Variants in DGKB observed in about 807,000 individuals in gnomAD.
The protein encoded by DGKB is diacylglycerol kinase beta, also known as 90 kDa diacylglycerol kinase.
In DGKB, 67 loss-of-function variants were observed where a neutral mutation model predicts 114.3. The ratio of observed to expected loss-of-function variants is 0.59; its 90% CI spans 0.48 to 0.72. The LOEUF (loss-of-function observed/expected upper bound fraction) is 0.72, where lower values mean the gene tolerates loss of function less well. DGKB is among the 30% of genes least tolerant of loss of function. The pLI is 0.00. For missense variants in DGKB, 907 were observed against 975.2 expected, an observed-to-expected ratio of 0.93 and a Z score of 0.93; for synonymous variants, 398 against 323.1, an observed-to-expected ratio of 1.23 and a Z score of -2.49.
rs576046094 is a variant in DGKB, at chr7:14,601,140, T to G, written c.1433+6294A>C. ...TAGCACCAGCTGGATGCTGCAAACC[T>G]TTGCCACCTCTGTCTCCTGAAGGGT... is the stretch of plus-strand genomic sequence containing the variant. On this transcript the variant is annotated intron_variant, in intron 17 of 25. Coordinates refer to ENST00000402815, the MANE Select transcript of DGKB (RefSeq NM_001350709.2). Among the ~76,000 whole-genome samples, 8 of 152,324 alleles carry G rather than the reference T, an allele frequency of 5.3e-5. No individual in the cohort carries two copies. The East Asian group carries it at 1.4e-3, about 26-fold the overall frequency.
chr7:14,620,803 T>C (rs1019850276), intron 15 of DGKB, among the ~76,000 whole-genome samples: 6 of 151,824 alleles, frequency 4.0e-5, no homozygotes, highest in African/African-American at 1.4e-4. Context: ...CGTTTTTATA[T>C]AATAGTATTA....
intron 23 of DGKB, among the ~76,000 whole-genome samples, chr7:14,222,088 T>A (rs1790072617): frequency 6.6e-6 from 1 of 151,120 alleles, no homozygotes; most frequent in Non-Finnish European, 1.5e-5. Context: ...GTTGATCTTT[T>A]AAAAAAACTT....
At chr7:14,913,139 C>T (rs954324330) in intron 1 of DGKB, among the ~76,000 whole-genome samples, 2 of 152,074 alleles carry the variant, frequency 1.3e-5, no homozygotes, top group African/African-American at 4.8e-5. Context: ...CTTCATACTA[C>T]TGTCCTGTCA....
chr7:14,290,297 A>G (rs537524862), intron 23 of DGKB, among the ~76,000 whole-genome samples: 68 of 152,298 alleles, frequency 4.5e-4, no homozygotes, highest in African/African-American at 1.5e-3. Context: ...ATTCCAGAGA[A>G]TGACTGATTG....
intron 1 of DGKB, among the ~76,000 whole-genome samples, chr7:14,945,506 G>C (rs967376760): frequency 6.6e-6 from 1 of 151,566 alleles, no homozygotes; most frequent in African/African-American, 2.4e-5. Flanking sequence ...AACTGATCTG[G>C]TTACAAATAA....
At chr7:14,346,326 T>C (rs1812469326) in intron 21 of DGKB, among the ~76,000 whole-genome samples, 1 of 151,932 alleles carries the variant, frequency 6.6e-6, no homozygotes, top group African/African-American at 2.4e-5. Context: ...ATAGAGTGCT[T>C]ATTATTATGC....
In DGKB at chr7:14,877,812, A is replaced by G. The variant is rs79480240; in HGVS notation, c.-188+24780T>C. The stretch of plus-strand genomic sequence containing the variant: ...ACAATGCTAAGTTCCACAAACAATA[A>G]TTCCTTGAAGCTTTTGAAAATATAC... On this transcript the variant is annotated intron_variant, in intron 1 of 25. Coordinates refer to ENST00000402815, the MANE Select transcript of DGKB (RefSeq NM_001350709.2). Among the ~76,000 whole-genome samples, 993 of 152,306 alleles carry G rather than the reference A, an allele frequency of 6.5e-3. 10 individuals are homozygous for G. Among genetic ancestry groups the G allele is most frequent in the African/African-American group, 0.023 (940 of 41,562 alleles).
intron 1 of DGKB, among the ~76,000 whole-genome samples, chr7:14,857,487 C>T (rs1333130123): frequency 6.6e-6 from 1 of 152,040 alleles, no homozygotes; most frequent in African/African-American, 2.4e-5. Context: ...TCTACAGAAA[C>T]TGAAATAATA....
chr7:14,467,257 A>G (rs145115497), intron 21 of DGKB, among the ~76,000 whole-genome samples: 6 of 149,868 alleles, frequency 4.0e-5, no homozygotes, highest in African/African-American at 1.2e-4. Context: ...TATTATTTAT[A>G]TAAAATTGCT....
rs754607243 is a variant in DGKB, at chr7:14,348,742, A to G, written c.1836-3351T>C. 4.6e-5 allele frequency among the ~76,000 whole-genome samples: 7 copies of G among 152,054 alleles called. 1 individual carries two copies. In the East Asian group the frequency reaches 7.8e-4, roughly 17 times the overall value. The stretch of plus-strand genomic sequence containing the variant: ...TATGAGCCAAGTATTGTAGGAACAT[A>G]CTTCAATGATTCAGCTAATTTTATC... On this transcript the variant is annotated intron_variant, in intron 21 of 25. Transcript: ENST00000402815.
chr7:14,386,566 T>C (rs1330648298), intron 21 of DGKB, among the ~76,000 whole-genome samples: 1 of 152,204 alleles, frequency 6.6e-6, no homozygotes, highest in Non-Finnish European at 1.5e-5. Context: ...GTTGCTGAAA[T>C]AGTTGCACAG....
intron 1 of DGKB, among the ~76,000 whole-genome samples, chr7:14,852,498 C>CAACAAA (rs1849542818): frequency 2.9e-5 from 1 of 33,922 alleles, no homozygotes; most frequent in Non-Finnish European, 5.7e-5. Context: ...AAAAAAAAAA[C>CAACAAA]AGAAATCAAG....
At chr7:14,625,709 G>A (rs999840442) in intron 14 of DGKB, among the ~76,000 whole-genome samples, 1 of 151,764 alleles carries the variant, frequency 6.6e-6, no homozygotes, top group Non-Finnish European at 1.5e-5. Context: ...AATCATCCTA[G>A]ATATACAAAG....
chr7:14,737,969 A>C (rs1831998289), intron 4 of DGKB, among the ~76,000 whole-genome samples: 1 of 152,296 alleles, frequency 6.6e-6, no homozygotes, highest in Admixed American at 6.5e-5. Flanking sequence ...GAGTAATATA[A>C]AAAATGTGAA....
chr7:14,637,215 A>C (rs1810912664), intron 13 of DGKB, among the ~76,000 whole-genome samples: 1 of 152,092 alleles, frequency 6.6e-6, no homozygotes, highest in African/African-American at 2.4e-5. Flanking sequence ...TTAACATAAA[A>C]ATTTCAGAGC....
intron 21 of DGKB, among the ~76,000 whole-genome samples, chr7:14,401,465 A>C (rs1823083791): frequency 6.6e-6 from 1 of 151,906 alleles, no homozygotes; most frequent in Non-Finnish European, 1.5e-5. Context: ...GTAGCTGAAA[A>C]AATAACTGTG....
intron 21 of DGKB, among the ~76,000 whole-genome samples, chr7:14,458,426 C>T (rs965242251): frequency 2.0e-5 from 3 of 152,130 alleles, no homozygotes; most frequent in African/African-American, 7.2e-5. Context: ...TGAGTAGGAA[C>T]AGCTCCTGTC....
intron 14 of DGKB, among the ~76,000 whole-genome samples, chr7:14,625,567 T>A (rs1808428138): frequency 6.6e-6 from 1 of 152,176 alleles, no homozygotes; most frequent in South Asian, 2.1e-4. Context: ...TCATTCAGGA[T>A]AAAATTGCTC....
intron 23 of DGKB, among the ~76,000 whole-genome samples, chr7:14,318,951 G>A (rs1327304877): frequency 8.5e-5 from 13 of 152,102 alleles, no homozygotes; most frequent in African/African-American, 2.2e-4. Flanking sequence ...GGAATACTAT[G>A]CAGCCATAAA....
Sources: allele counts gnomAD v4.1 joint callset (sites outside exome capture counted in the v4.1 genomes callset), GRCh38; gene constraint gnomAD v4.1.1; transcripts MANE v1.5; gene names NCBI Gene and HGNC (gene_info 2026-07-23, HGNC 2026-07-21).